Variants in CDKAL1 observed in about 807,000 individuals in gnomAD.
CDKAL1 encodes CDKAL1 threonylcarbamoyladenosine tRNA methylthiotransferase.
In CDKAL1, 32 loss-of-function variants were observed where a neutral mutation model predicts 68.2. The ratio of observed to expected loss-of-function variants is 0.47; its 90% CI spans 0.35 to 0.63. The LOEUF is 0.63. CDKAL1 is among the 30% of genes least tolerant of loss of function. The pLI, the probability that CDKAL1 is intolerant of heterozygous loss-of-function variation, is 0.00. For missense variants in CDKAL1, 606 were observed against 696.7 expected (o/e 0.87, Z 1.47); for synonymous variants, 234 against 244.3 (o/e 0.96, Z 0.39).
At chr6:20,894,297 C>T (rs1437772403) in intron 9 of CDKAL1, among the ~76,000 whole-genome samples, 2 of 151,908 alleles carry the variant, frequency 1.3e-5, no homozygotes, top group African/African-American at 4.8e-5. Context: ...TTTCTCCTTA[C>T]CATACCATTC....
At chr6:21,095,909 G>T (rs1238448691) in intron 12 of CDKAL1, among the ~76,000 whole-genome samples, 1 of 152,026 alleles carries the variant, frequency 6.6e-6, no homozygotes, top group East Asian at 1.9e-4. Flanking sequence ...GGAGAAGATG[G>T]GTCAAAAAGC....
chr6:20,901,699 A>AG (rs1554137982), intron 9 of CDKAL1, among the ~76,000 whole-genome samples: 3 of 75,944 alleles, frequency 4.0e-5, no homozygotes, highest in Admixed American at 1.9e-4. Context: ...AAAAAAAAAA[A>AG]AAAAGAAAAG....
At chr6:21,030,814 C>T (rs771436056) in intron 11 of CDKAL1, among the ~76,000 whole-genome samples, 2 of 152,062 alleles carry the variant, frequency 1.3e-5, no homozygotes, top group Non-Finnish European at 2.9e-5. Context: ...TCTCTTATGC[C>T]AGCTGCTCTT....
chr6:20,878,309 G>A (rs1402007789), intron 9 of CDKAL1, among the ~76,000 whole-genome samples: 1 of 152,100 alleles, frequency 6.6e-6, no homozygotes, highest in South Asian at 2.1e-4. Context: ...TTATCTGTTC[G>A]TACCTAATAA....
intron 8 of CDKAL1, among the ~76,000 whole-genome samples, chr6:20,795,966 A>G (rs1371577081): frequency 6.6e-6 from 1 of 152,148 alleles, no homozygotes; most frequent in African/African-American, 2.4e-5. Flanking sequence ...TCAGCCCTCT[A>G]TTTAGGCATG....
intron 13 of CDKAL1, among the ~76,000 whole-genome samples, chr6:21,111,161 G>C (rs908496975): frequency 6.6e-6 from 1 of 152,054 alleles, no homozygotes; most frequent in African/African-American, 2.4e-5. Flanking sequence ...ATAAACTATG[G>C]TCTGCTCCTG....
Position 21,027,362 on chromosome 6 carries a change from C to T in CDKAL1, c.1055+26990C>T, listed in dbSNP as rs1769020778. 2.0e-5 allele frequency among the ~76,000 whole-genome samples: 3 copies of T among 152,280 alleles called. No individual in the cohort carries two copies. The South Asian group carries it at 6.2e-4, about 32-fold the overall frequency. ...ACCTCAGCTCTCCTCCTTATCAGCCCCAAAATGCAGTTATATACTGGCCAT... is the reference window on the plus strand; with the variant it reads ...ACCTCAGCTCTCCTCCTTATCAGCCTCAAAATGCAGTTATATACTGGCCAT... On this transcript the variant is annotated intron_variant, in intron 11 of 15. Transcript: ENST00000274695.
intron 5 of CDKAL1, among the ~76,000 whole-genome samples, chr6:20,726,714 C>T (rs1356503927): frequency 6.6e-6 from 1 of 152,132 alleles, no homozygotes; most frequent in Non-Finnish European, 1.5e-5. Flanking sequence ...AAAGGACAGA[C>T]TGGGTTTTAT....
At chr6:20,574,809 G>A (rs1198857709) in intron 4 of CDKAL1, among the ~76,000 whole-genome samples, 1 of 152,140 alleles carries the variant, frequency 6.6e-6, no homozygotes, top group Non-Finnish European at 1.5e-5. Context: ...TAATCTTGAA[G>A]GGTGAGTAAT....
At chr6:21,154,264 A>G (rs973506592) in intron 13 of CDKAL1, among the ~76,000 whole-genome samples, 4 of 152,218 alleles carry the variant, frequency 2.6e-5, no homozygotes, top group South Asian at 2.1e-4. Flanking sequence ...TTTTATGTGC[A>G]TGCTTTAAAC....
intron 15 of CDKAL1, among the ~76,000 whole-genome samples, chr6:21,210,934 G>A (rs1187231782): frequency 6.6e-6 from 1 of 152,176 alleles, no homozygotes; most frequent in Non-Finnish European, 1.5e-5. Context: ...CCCCAGCAAG[G>A]CAGAGGCCCC....
At chr6:20,862,337 G>A (rs887811757) in intron 9 of CDKAL1, among the ~76,000 whole-genome samples, 15 of 152,108 alleles carry the variant, frequency 9.9e-5, no homozygotes, top group Non-Finnish European at 1.5e-5. Context: ...ACCAGAATAG[G>A]TTCAATTCTG....
chr6:21,185,070 A>C (rs533283347), intron 13 of CDKAL1, among the ~76,000 whole-genome samples: 1 of 152,124 alleles, frequency 6.6e-6, no homozygotes, highest in African/African-American at 2.4e-5. Flanking sequence ...CTACTCCTTG[A>C]GTTGGCTTTG....
At chr6:20,732,263 CTTTTT>C (rs56911987) in intron 5 of CDKAL1, among the ~76,000 whole-genome samples, 11 of 83,470 alleles carry the variant, frequency 1.3e-4, no homozygotes, top group South Asian at 4.8e-4. Context: ...TTCTTTCTTT[CTTTTT>C]TTTTTTTTTT....
intron 4 of CDKAL1, among the ~76,000 whole-genome samples, chr6:20,633,067 T>C (rs1394158209): frequency 6.6e-6 from 1 of 152,214 alleles, no homozygotes; most frequent in Non-Finnish European, 1.5e-5. Context: ...TTAACAGCTG[T>C]ATTGAGATAA....
In CDKAL1 at chr6:21,152,483, A is replaced by G. The variant is rs557213966; in HGVS notation, c.1299+44020A>G. Among the ~76,000 whole-genome samples the G allele has an allele frequency of 3.9e-5, 6 of 152,342 alleles. No homozygotes were observed. In the South Asian group the frequency reaches 8.3e-4, roughly 21 times the overall value. ...AGCTCACAACTGCCACACCGATTCA[A>G]CCAGCAACTTGTCATATGACCCCCA... On this transcript the variant is annotated intron_variant, in intron 13 of 15. Transcript: ENST00000274695.
chr6:20,597,282 C>T (rs1216161373), intron 4 of CDKAL1, among the ~76,000 whole-genome samples: 1 of 152,012 alleles, frequency 6.6e-6, no homozygotes, highest in Non-Finnish European at 1.5e-5. Context: ...GCGCCTGCCA[C>T]CACGCCTTGC....
At chr6:21,108,148 G>A (rs560638699) in intron 12 of CDKAL1, among the ~76,000 whole-genome samples, 6 of 152,216 alleles carry the variant, frequency 3.9e-5, no homozygotes. Flanking sequence ...GATGATTAGT[G>A]TTTTAGTTAT....
At chr6:20,748,555 G>GAAAA (rs760404728) in intron 6 of CDKAL1, among the ~76,000 whole-genome samples, 3 of 28,768 alleles carry the variant, frequency 1.0e-4, no homozygotes, top group East Asian at 2.0e-3. Context: ...TCTGTTTCTG[G>GAAAA]AAAAAAAAAA....
Sources: allele counts gnomAD v4.1 joint callset (sites outside exome capture counted in the v4.1 genomes callset), GRCh38; gene constraint gnomAD v4.1.1; transcripts MANE v1.5; gene names NCBI Gene and HGNC (gene_info 2026-07-23, HGNC 2026-07-21).